NUBP1: variants seen among roughly 807,000 people sequenced by gnomAD.
NUBP1 encodes NUBP iron-sulfur cluster assembly factor 1, cytosolic, also known as cytosolic Fe-S cluster assembly factor NUBP1.
NUBP1 carries 46 observed loss-of-function variants against 41.8 expected under a neutral mutation model. The ratio of observed to expected loss-of-function variants is 1.10; its 90% confidence interval spans 0.87 to 1.41. The LOEUF (loss-of-function observed/expected upper bound fraction) is 1.41. Among genes scored for constraint, NUBP1 ranks in the 40% most tolerant of loss-of-function variants. The probability of loss-of-function intolerance (pLI) is 0.00; values close to 1 mark genes in which losing one functional copy is unlikely to be tolerated. For synonymous variants in NUBP1, 189 were observed against 154.6 expected (o/e 1.22, Z -1.65); for missense variants, 494 against 414.0 (o/e 1.19, Z -1.68).
chr16:10,761,004 A>G (rs1191427120), intron 7 of NUBP1: 4 of 197,168 alleles, frequency 2.0e-5, no homozygotes, highest in African/African-American at 9.3e-5. Context: ...AAGGCAAAGC[A>G]GGCACATGTT....
chr16:10,748,644 G>C (rs1673117306), intron 3 of NUBP1, among the ~76,000 whole-genome samples: 1 of 152,134 alleles, frequency 6.6e-6, no homozygotes, highest in African/African-American at 2.4e-5. Context: ...CTTAGCACGG[G>C]GCCCGACGAA....
chr16:10,768,257 G>A lies in NUBP1; in HGVS notation c.904+225G>A. 2.7e-6 allele frequency: 1 copy of A among 372,214 alleles called. No individual in the cohort carries two copies. The allele number at this position is 372,214 out of a possible 1,614,324, so 23.1% of individuals were successfully genotyped here. A position where few individuals can be genotyped will look rare whatever the true frequency, so the allele number is the denominator to read the frequency against. ...GGTGAGGGTGAAATTTATGGCTTAG[G>A]AAATACATCCCAATAAAGGGATAAA... On this transcript the variant is annotated intron_variant, in intron 10 of 10. Transcript: ENST00000283027. The surrounding 1 kb of genome is among the most constrained non-coding windows in gnomAD (Gnocchi z 4.3).
Position 10,766,995 on chromosome 16 carries a change from C to T in NUBP1, c.821-954C>T. On this transcript the variant is annotated intron_variant, in intron 9 of 10. Coordinates refer to ENST00000283027, the MANE Select transcript of NUBP1 (RefSeq NM_002484.4). This position sits in a 1 kb window ranked among gnomAD's most constrained non-coding sequence, Gnocchi z 4.8. ...TCTCCCACCAACCCCTCCCCACAGG[C>T]TTCTTCCCCGACTTGGACTTCCCTG... 1 of 398,836 alleles carries T rather than the reference C, an allele frequency of 2.5e-6. No homozygotes were observed. The highest frequency in any genetic ancestry group is 4.4e-6 in the Non-Finnish European group (1 of 226,210). 24.7% of individuals were successfully genotyped at this position (398,836 alleles called of 1,614,324 possible). A position where few individuals can be genotyped will look rare whatever the true frequency, so the allele number is the denominator to read the frequency against.
rs201490611 is a variant in NUBP1, at chr16:10,753,778, A to AT, written c.327+1101dup. Among the ~76,000 whole-genome samples the AT allele has an allele frequency of 4.0e-3, 615 of 151,896 alleles. 4 individuals are homozygous for AT. Among genetic ancestry groups the AT allele is most frequent in the African/African-American group, 0.014 (591 of 41,390 alleles). ...CTGAGGGATAGCATTTGAGCAGAGG[A>AT]TGACAGGAGGGGAGAGCTGGGGGAA... On this transcript the variant is annotated intron_variant, in intron 4 of 10. Transcript: ENST00000283027.
Position 10,768,098 on chromosome 16 carries a change from G to A in NUBP1, c.904+66G>A, listed in dbSNP as rs187108285. Reference sequence around the variant, plus strand: ...GCAGGAAGCAACATAAAGGAGCCAGGGGTGTGGAAGGACAGGTGGGTGGTG... The same window carrying A: ...GCAGGAAGCAACATAAAGGAGCCAGAGGTGTGGAAGGACAGGTGGGTGGTG... On this transcript the variant is annotated intron_variant, in intron 10 of 10. Transcript: ENST00000283027. This position sits in a 1 kb window ranked among gnomAD's most constrained non-coding sequence, Gnocchi z 4.3. 288 of 1,478,954 alleles carry A rather than the reference G, an allele frequency of 1.9e-4. 1 individual carries two copies. The African/African-American group carries it at 3.8e-3, about 19-fold the overall frequency. The allele number at this position is 1,478,954 out of a possible 1,614,324, so 91.6% of individuals were successfully genotyped here.
chr16:10,752,804 G>A (rs941078775), intron 4 of NUBP1, 126 bp downstream of exon 4: 1 of 844,640 alleles, frequency 1.2e-6, no homozygotes, highest in African/African-American at 1.7e-5. Flanking sequence ...GTTTTGTTTT[G>A]TTGTTTTTGA....
rs2031097399 is a variant in NUBP1, at chr16:10,767,634, A to C, written c.821-315A>C. 1 of 428,778 alleles carries C rather than the reference A, an allele frequency of 2.3e-6. No homozygotes were observed. Among genetic ancestry groups the C allele is most frequent in the Non-Finnish European group, 4.1e-6 (1 of 243,288 alleles). The allele number at this position is 428,778 out of a possible 1,614,324, so 26.6% of individuals were successfully genotyped here. A position where few individuals can be genotyped will look rare whatever the true frequency, so the allele number is the denominator to read the frequency against. The stretch of plus-strand genomic sequence containing the variant: ...AACCATGTGCATTCATGATCCTTTC[A>C]CTCAAAAGCTAATCTCTTAAAATGC... On this transcript the variant is annotated intron_variant, in intron 9 of 10. Transcript: ENST00000283027. This position sits in a 1 kb window ranked among gnomAD's most constrained non-coding sequence, Gnocchi z 4.6.
rs568420949 is a variant in NUBP1 at position 10,768,231 on chromosome 16, T to C, written c.904+199T>C. The C allele has an allele frequency of 1.8e-5, 8 of 447,348 alleles. No individual in the cohort carries two copies. Among genetic ancestry groups the C allele is most frequent in the Admixed American group, 1.2e-4 (3 of 25,838 alleles). 27.7% of individuals were successfully genotyped at this position (447,348 alleles called of 1,614,324 possible). On this transcript the variant is annotated intron_variant, in intron 10 of 10. Transcript: ENST00000283027. The surrounding 1 kb of genome is among the most constrained non-coding windows in gnomAD (Gnocchi z 4.3). ...GAATTAATTCATAGTTTAAAAAACATGGTGAGGGTGAAATTTATGGCTTAG... is the reference window on the plus strand; with the variant it reads ...GAATTAATTCATAGTTTAAAAAACACGGTGAGGGTGAAATTTATGGCTTAG...
rs201706853 is a variant in NUBP1 at position 10,752,652 on chromosome 16, A to G, written c.301A>G (p.Lys101Glu). Residue 101 changes from lysine to glutamate, a missense_variant, in exon 4 of 11, where the codon AAG becomes GAG. Coordinates refer to ENST00000283027, the MANE Select transcript of NUBP1 (RefSeq NM_002484.4). ...CGATATATGTGGGCCATCGATTCCC[A>G]AGATAATGGGATTGGAAGGAGAGCA... ...DIDICGPSIP[K>E]IMGLEGEQVH... The G allele has an allele frequency of 4.3e-6, 7 of 1,613,900 alleles. No homozygotes were observed. The highest frequency in any genetic ancestry group is 1.7e-5 in the Admixed American group (1 of 60,002).
chr16:10,747,177 A>G lies in NUBP1; in HGVS notation c.159A>G (p.Val53=), dbSNP rs1304339594. 4.3e-6 allele frequency: 7 copies of G among 1,614,090 alleles called. No homozygotes were observed. The East Asian group carries it at 1.6e-4, about 36-fold the overall frequency. Residue 53 remains valine, a synonymous_variant, in exon 3 of 11, where the codon GTA becomes GTG. Coordinates refer to ENST00000283027, the MANE Select transcript of NUBP1 (RefSeq NM_002484.4). The part of the protein sequence containing the change: ...IEEIKEKMKT[V]KHKILVLSGK... ...AAATCAAAGAGAAAATGAAGACTGTAAAACACAAAATCTTGGTATTGTCTG... is the reference window on the plus strand; with the variant it reads ...AAATCAAAGAGAAAATGAAGACTGTGAAACACAAAATCTTGGTATTGTCTG...
intron 8 of NUBP1, 50 bp from the exon 9 acceptor site, chr16:10,761,707 G>A: frequency 7.1e-7 from 1 of 1,405,250 alleles, no homozygotes; most frequent in Non-Finnish European, 1.0e-6. Flanking sequence ...GTCCATCCTT[G>A]TGATTCTGCA....
intron 4 of NUBP1, among the ~76,000 whole-genome samples, chr16:10,753,741 A>T (rs1418168595): frequency 6.6e-6 from 1 of 151,954 alleles, no homozygotes; most frequent in African/African-American, 2.4e-5. Context: ...GGGGTGGTCA[A>T]AGGTGCCCTC....
In NUBP1 at chr16:10,769,241, T is replaced by G. The variant is rs2031346724; in HGVS notation, c.*136T>G. On this transcript the variant is annotated 3_prime_UTR_variant, in exon 11 of 11. Coordinates refer to ENST00000283027, the MANE Select transcript of NUBP1 (RefSeq NM_002484.4). ...AGATGCTGGTGTGGTCCGAAGCCAC[T>G]TTCTCAGAGACACTTTAATCATTGA... 1 of 670,328 alleles carries G rather than the reference T, an allele frequency of 1.5e-6. No individual in the cohort carries two copies. Among genetic ancestry groups the G allele is most frequent in the African/African-American group, 1.8e-5 (1 of 54,812 alleles). The allele number at this position is 670,328 out of a possible 1,614,324, so 41.5% of individuals were successfully genotyped here.
chr16:10,752,781 T>G (rs1900379320), intron 4 of NUBP1, 103 bp downstream of exon 4: 1 of 985,396 alleles, frequency 1.0e-6, no homozygotes, highest in East Asian at 2.5e-5. Context: ...CCCATAAATG[T>G]TTTTTTGTTG....
Position 10,766,401 on chromosome 16 carries a change from G to A in NUBP1, c.821-1548G>A, listed in dbSNP as rs991234985. Reference sequence around the variant, plus strand: ...TTCTTGGAGAGGTGGGAGCCCAGGGGGAAATGCAGTTAGGAAGGGAAAACA... The same window carrying A: ...TTCTTGGAGAGGTGGGAGCCCAGGGAGAAATGCAGTTAGGAAGGGAAAACA... On this transcript the variant is annotated intron_variant, in intron 9 of 10. Coordinates refer to ENST00000283027, the MANE Select transcript of NUBP1 (RefSeq NM_002484.4). This position sits in a 1 kb window ranked among gnomAD's most constrained non-coding sequence, Gnocchi z 4.8. Among the ~76,000 whole-genome samples the A allele has an allele frequency of 5.9e-5, 9 of 152,192 alleles. No individual in the cohort carries two copies. Among genetic ancestry groups the A allele is most frequent in the Admixed American group, 3.9e-4 (6 of 15,268 alleles).
chr16:10,756,542 C>G (rs989754181), intron 5 of NUBP1, 148 bp from the exon 6 acceptor site: 2 of 473,060 alleles, frequency 4.2e-6, no homozygotes, highest in Non-Finnish European at 7.4e-6. Context: ...GATTTAGGAG[C>G]AAAGAGTGAA....
In NUBP1 at chr16:10,765,447, GC is replaced by G. The variant is rs1045056193; in HGVS notation, c.821-2501del. ...ACTTGAGCCCAGGGAGGTTGAGGTT[GC>G]AGTGAGCCATGATCACACCACTGCA... On this transcript the variant is annotated intron_variant, in intron 9 of 10. Coordinates refer to ENST00000283027, the MANE Select transcript of NUBP1 (RefSeq NM_002484.4). The surrounding 1 kb of genome is among the most constrained non-coding windows in gnomAD (Gnocchi z 4.0). Among the ~76,000 whole-genome samples the G allele has an allele frequency of 6.7e-4, 102 of 152,054 alleles. No homozygotes were observed. The highest frequency in any genetic ancestry group is 2.3e-3 in the African/African-American group (97 of 41,472).
chr16:10,756,035 G>A (rs1483621487), intron 5 of NUBP1, among the ~76,000 whole-genome samples: 1 of 152,198 alleles, frequency 6.6e-6, no homozygotes, highest in Non-Finnish European at 1.5e-5. Flanking sequence ...AAACACAGAT[G>A]GTGGGCCAGA....
At chr16:10,751,886 A>G (rs1459717269) in intron 3 of NUBP1, among the ~76,000 whole-genome samples, 1 of 152,180 alleles carries the variant, frequency 6.6e-6, no homozygotes, top group Non-Finnish European at 1.5e-5. Context: ...AAAGAGCCCC[A>G]GTTGGGGCCG....
Sources: allele counts gnomAD v4.1 joint callset (sites outside exome capture counted in the v4.1 genomes callset), GRCh38; gene constraint gnomAD v4.1.1; non-coding constraint Gnocchi (gnomAD v3.1); transcripts MANE v1.5; gene names NCBI Gene and HGNC (gene_info 2026-07-23, HGNC 2026-07-21).